Variants in SYNCRIP observed in about 807,000 individuals in gnomAD.
The protein encoded by SYNCRIP is heterogeneous nuclear ribonucleoprotein Q.
A neutral mutation model predicts 68.9 loss-of-function variants in SYNCRIP; 9 were observed. The ratio of observed to expected loss-of-function variants is 0.13; its 90% CI spans 0.08 to 0.23. The LOEUF (loss-of-function observed/expected upper bound fraction) is 0.23, where lower values mean the gene tolerates loss of function less well. SYNCRIP is among the 10% of genes least tolerant of loss of function. The pLI, the probability that SYNCRIP is intolerant of heterozygous loss-of-function variation, is 1.00. For missense variants in SYNCRIP, 414 were observed against 770.6 expected (o/e 0.54, Z 5.48); for synonymous variants, 258 against 254.0 (o/e 1.02, Z -0.15).
At chr6:85,640,648 T>A in intron 2 of SYNCRIP, 84 bp from the exon 3 acceptor site, 1 of 762,848 alleles carries the variant, frequency 1.3e-6, no homozygotes, top group Non-Finnish European at 2.0e-6. Flanking sequence ...CAGGTACATG[T>A]GTGCCTTTAC....
At chr6:85,632,667 C>T (rs1339935650) in intron 6 of SYNCRIP, among the ~76,000 whole-genome samples, 1 of 152,184 alleles carries the variant, frequency 6.6e-6, no homozygotes, top group Admixed American at 6.5e-5. Context: ...AATGGCCAGG[C>T]GCAGTGGCTC....
intron 1 of SYNCRIP, among the ~76,000 whole-genome samples, chr6:85,641,783 T>G (rs958578810): frequency 6.6e-6 from 1 of 152,158 alleles, no homozygotes; most frequent in South Asian, 2.1e-4. Context: ...GAGGTGTGTG[T>G]GGAGAAAGCA....
intron 6 of SYNCRIP, 144 bp downstream of exon 6, chr6:85,636,823 C>CT: frequency 1.5e-6 from 1 of 674,538 alleles, no homozygotes; most frequent in Non-Finnish European, 2.4e-6. Flanking sequence ...CACTACAATG[C>CT]TTGCACAGTG....
At position 85,614,793 on chromosome 6, in the gene SYNCRIP, T is replaced by A. The variant is rs760714882; in HGVS notation, c.1835A>T (p.Glu612Val). Residue 612 changes from glutamate (E) to valine (V), a missense_variant, in exon 11 of 11, where the codon GAG (glutamate) becomes GTG (valine). Around this residue, in one of 6 missense-constraint regions of SYNCRIP, gnomAD observed 130 missense variants for 149.0 expected, o/e 0.87. Coordinates refer to ENST00000369622, the MANE Select transcript of SYNCRIP (RefSeq NM_006372.5). ...GNYGYKSENQ[E>V]FYQDTFGQQW... ...TTGCCCAAAAGTATCCTGATAAAACTCCTGGTTTTCAGATTTGTAACCATA... is the reference window on the plus strand; with the variant it reads ...TTGCCCAAAAGTATCCTGATAAAACACCTGGTTTTCAGATTTGTAACCATA... 75 of 1,610,388 alleles carry A rather than the reference T, an allele frequency of 4.7e-5. 1 individual carries two copies. The highest frequency in any genetic ancestry group is 5.9e-5 in the Non-Finnish European group (69 of 1,178,756).
At chr6:85,617,190 T>TA (rs1805873029) in intron 10 of SYNCRIP, among the ~76,000 whole-genome samples, 1 of 144,708 alleles carries the variant, frequency 6.9e-6, no homozygotes, top group Non-Finnish European at 1.5e-5. Context: ...CGTGCTTAGT[T>TA]AAAACTTAAA....
chr6:85,641,169 CACA>C (rs773543405), intron 2 of SYNCRIP, 120 bp downstream of exon 2: 25 of 724,594 alleles, frequency 3.5e-5, no homozygotes, highest in Admixed American at 1.3e-4. Flanking sequence ...AACCAACTAT[CACA>C]ACAAGCAAAA....
At chr6:85,630,620 A>G (rs1041934890) in intron 6 of SYNCRIP, among the ~76,000 whole-genome samples, 1 of 152,182 alleles carries the variant, frequency 6.6e-6, no homozygotes, top group African/African-American at 2.4e-5. Flanking sequence ...GTAAGGGAAG[A>G]AAGCATCATC....
At chr6:85,643,803 C>T (rs1195557568), upstream of SYNCRIP, 3 of 152,078 alleles carry the variant, frequency 2.0e-5, no homozygotes, top group African/African-American at 7.2e-5. Flanking sequence ...GTAGCCGTTC[C>T]AGGCGGTGTC....
rs1808284339 is a variant in SYNCRIP at position 85,635,030 on chromosome 6, T to TGGTA, written c.666+1933_666+1936dup. Among the ~76,000 whole-genome samples the TGGTA allele has an allele frequency of 3.3e-5, 5 of 152,246 alleles. No individual in the cohort carries two copies. The South Asian group carries it at 1.0e-3, about 32-fold the overall frequency. On this transcript the variant is annotated intron_variant, in intron 6 of 10. Transcript: ENST00000369622. Reference sequence around the variant, plus strand: ...ATATACAAAAATTAGTCAGGTGTGGTGGTACGCGCCTATTATCCCAGCTAC... The same window carrying TGGTA: ...ATATACAAAAATTAGTCAGGTGTGGTGGTAGGTACGCGCCTATTATCCCAGCTAC...
chr6:85,610,371 T>C (rs965659288), downstream of SYNCRIP: 1 of 152,026 alleles, frequency 6.6e-6, no homozygotes, highest in South Asian at 2.1e-4. Context: ...TTGATGTGTA[T>C]ATATTTCATC....
At chr6:85,611,636 G>A (rs968149661), downstream of SYNCRIP, 8 of 152,320 alleles carry the variant, frequency 5.3e-5, no homozygotes, top group African/African-American at 1.7e-4. Flanking sequence ...TGGTTCAATA[G>A]AGGATGCTTC....
intron 9 of SYNCRIP, 89 bp downstream of exon 9, chr6:85,619,179 T>C (rs1806111101): frequency 1.7e-5 from 26 of 1,539,506 alleles, no homozygotes; most frequent in Non-Finnish European, 2.2e-5. Flanking sequence ...ACTTCCAAAG[T>C]CTCCTCCAAT....
In SYNCRIP at chr6:85,614,027, A is replaced by G. The variant is rs1365102742; in HGVS notation, c.*729T>C. On this transcript the variant is annotated 3_prime_UTR_variant, in exon 11 of 11. Coordinates refer to ENST00000369622, the MANE Select transcript of SYNCRIP (RefSeq NM_006372.5). ...TTGATGGGAACATGAAGTCTGTTGT[A>G]AAATAGCACTTTAAACCAGAAGCAG... 1.0e-6 allele frequency: 1 copy of G among 985,588 alleles called. No individual in the cohort carries two copies. The highest frequency in any genetic ancestry group is 1.2e-6 in the Non-Finnish European group (1 of 829,834). 61.1% of individuals were successfully genotyped at this position (985,588 alleles called of 1,614,324 possible).
chr6:85,614,532 C>A lies in SYNCRIP; in HGVS notation c.*224G>T. The stretch of plus-strand genomic sequence containing the variant: ...ACAAATGCAAACTCATTAACTATTT[C>A]TTTCAGTATCTAAGAATATCTTTAT... On this transcript the variant is annotated 3_prime_UTR_variant, in exon 11 of 11. Transcript: ENST00000369622. 8.0e-7 allele frequency: 1 copy of A among 1,247,206 alleles called. No homozygotes were observed. Among genetic ancestry groups the A allele is most frequent in the Non-Finnish European group, 1.0e-6 (1 of 996,286 alleles). 77.3% of individuals were successfully genotyped at this position (1,247,206 alleles called of 1,614,324 possible).
Position 85,615,301 on chromosome 6 carries a change from T to A in SYNCRIP, c.1327A>T (p.Thr443Ser), listed in dbSNP as rs1217997039. The change falls in exon 11 of 11, where the codon ACA becomes TCA. Residue 443 changes from threonine to serine, a missense_variant. Transcript: ENST00000369622. ...YYGPPHMPPPTRGRGRGGRGG... is the reference protein window; with the variant it reads ...YYGPPHMPPPSRGRGRGGRGG... ...CTACCTCCACGCCCTCGACCTCTTGTTGGAGGGGGCATATGAGGTGGACCA... is the reference window on the plus strand; with the variant it reads ...CTACCTCCACGCCCTCGACCTCTTGATGGAGGGGGCATATGAGGTGGACCA... 1 of 1,572,512 alleles carries A rather than the reference T, an allele frequency of 6.4e-7. No individual in the cohort carries two copies. Among genetic ancestry groups the A allele is most frequent in the Admixed American group, 1.7e-5 (1 of 57,194 alleles).
intron 8 of SYNCRIP, among the ~76,000 whole-genome samples, chr6:85,622,179 C>G (rs901709042): frequency 5.9e-5 from 9 of 152,098 alleles, no homozygotes; most frequent in Non-Finnish European, 2.9e-5. Flanking sequence ...CGAGACCAGT[C>G]TGACCAACAT....
Position 85,616,823 on chromosome 6 carries a change from C to A in SYNCRIP, c.1281-1476G>T, listed in dbSNP as rs1355685490. On this transcript the variant is annotated intron_variant, in intron 10 of 10. Transcript: ENST00000369622. ...ATAGTTCTCACCAGGGATAATTTTG[C>A]CACCACCTCTTTCCAGGGGGACATT... 3.3e-5 allele frequency among the ~76,000 whole-genome samples: 5 copies of A among 152,100 alleles called. No homozygotes were observed. In the East Asian group the frequency reaches 7.7e-4, roughly 23 times the overall value.
In SYNCRIP at chr6:85,614,302, A is replaced by G. The variant is rs1009461381; in HGVS notation, c.*454T>C. The G allele has an allele frequency of 1.6e-5, 16 of 986,298 alleles. No homozygotes were observed. The East Asian group carries it at 7.9e-4, about 49-fold the overall frequency. The allele number at this position is 986,298 out of a possible 1,614,324, so 61.1% of individuals were successfully genotyped here. ...TGGTTTTGAAAACCCAAATTAGGTCAAAGTTCTAAATTAAAAATAGCAGTT... is the reference window on the plus strand; with the variant it reads ...TGGTTTTGAAAACCCAAATTAGGTCGAAGTTCTAAATTAAAAATAGCAGTT... On this transcript the variant is annotated 3_prime_UTR_variant, in exon 11 of 11. Coordinates refer to ENST00000369622, the MANE Select transcript of SYNCRIP (RefSeq NM_006372.5).
intron 6 of SYNCRIP, among the ~76,000 whole-genome samples, chr6:85,628,469 CAT>C (rs1336367289): frequency 6.6e-6 from 1 of 152,218 alleles, no homozygotes; most frequent in African/African-American, 2.4e-5. Flanking sequence ...CACACAAGCA[CAT>C]GACTCAGTTG....
Sources: allele counts gnomAD v4.1 joint callset (sites outside exome capture counted in the v4.1 genomes callset), GRCh38; gene constraint gnomAD v4.1.1; regional missense constraint gnomAD v4.1.1; transcripts MANE v1.5; gene names NCBI Gene and HGNC (gene_info 2026-07-23, HGNC 2026-07-21).